Variants in LRP1B observed in about 807,000 individuals in gnomAD.
The protein encoded by LRP1B is LDL receptor related protein 1B.
A neutral mutation model predicts 556.6 loss-of-function variants in LRP1B; 217 were observed. That is an observed-to-expected ratio of 0.39 (90% CI 0.35 to 0.44). LRP1B has a LOEUF of 0.44. LRP1B is among the 20% of genes least tolerant of loss of function. LRP1B has a pLI of 1.00. For synonymous variants in LRP1B, 2,047 were observed against 1,865.8 expected, an observed-to-expected ratio of 1.10 and a Z score of -2.50; for missense variants, 5,053 against 5,620.8, an observed-to-expected ratio of 0.90 and a Z score of 3.23.
intron 84 of LRP1B, among the ~76,000 whole-genome samples, chr2:140,282,018 T>G (rs137982505): frequency 7.7e-4 from 117 of 151,940 alleles, no homozygotes; most frequent in Admixed American, 1.8e-3. Context: ...TGGCCAGAAT[T>G]TGAGGTACTG....
At position 141,635,177 on chromosome 2, in the gene LRP1B, C is replaced by A. The variant is rs73965759; in HGVS notation, c.206-154644G>T. Among the ~76,000 whole-genome samples, 919 of 151,940 alleles carry A rather than the reference C, an allele frequency of 6.0e-3. 13 individuals are homozygous for A. Among genetic ancestry groups the A allele is most frequent in the African/African-American group, 0.021 (878 of 41,480 alleles). On this transcript the variant is annotated intron_variant, in intron 2 of 90. Transcript: ENST00000389484. ...GAAAATGAGCTGTTTTAGGATTATA[C>A]GTACAGAATGAGTGAAAGACAGTTT...
intron 15 of LRP1B, among the ~76,000 whole-genome samples, chr2:141,003,288 G>A (rs549636973): frequency 1.3e-5 from 2 of 152,118 alleles, no homozygotes; most frequent in East Asian, 3.9e-4. Context: ...CTCATATTAA[G>A]TAAAAATGAC....
chr2:141,873,645 G>A (rs1214213791), intron 1 of LRP1B, among the ~76,000 whole-genome samples: 1 of 151,938 alleles, frequency 6.6e-6, no homozygotes, highest in Non-Finnish European at 1.5e-5. Context: ...AGCACACTTA[G>A]TGCCTGTGTA....
chr2:140,325,717 ACT>A (rs2105063704), intron 80 of LRP1B, 43 bp downstream of exon 80: 10 of 1,264,362 alleles, frequency 7.9e-6, no homozygotes, highest in Non-Finnish European at 1.1e-5. Context: ...AGTATTTAAC[ACT>A]CTCAGTAACA....
At chr2:140,650,450 G>T (rs911540183) in intron 41 of LRP1B, among the ~76,000 whole-genome samples, 1 of 151,890 alleles carries the variant, frequency 6.6e-6, no homozygotes, top group Non-Finnish European at 1.5e-5. Flanking sequence ...CTGGGTTCAA[G>T]CGATTCTCCT....
chr2:141,470,501 G>A (rs1682421074), intron 3 of LRP1B, among the ~76,000 whole-genome samples: 1 of 152,166 alleles, frequency 6.6e-6, no homozygotes, highest in Non-Finnish European at 1.5e-5. Context: ...GCTGCTTTGA[G>A]AATGGGTCAG....
chr2:141,010,620 T>C (rs538402216), intron 14 of LRP1B, among the ~76,000 whole-genome samples: 61 of 152,122 alleles, frequency 4.0e-4, no homozygotes, highest in Admixed American at 3.7e-3. Context: ...GTTTAAGTGA[T>C]TCTCCTGCCT....
chr2:141,624,036 C>CAAAAAAAAAAAAAAA, intron 2 of LRP1B, among the ~76,000 whole-genome samples: 113 of 90,624 alleles, frequency 1.2e-3, no homozygotes, highest in East Asian at 2.2e-3. Flanking sequence ...AAAAATTAAA[C>CAAAAAAAAAAAAAAA]AAAAAAAAAA....
intron 3 of LRP1B, among the ~76,000 whole-genome samples, chr2:141,291,106 T>C (rs1324942285): frequency 6.6e-6 from 1 of 152,150 alleles, no homozygotes; most frequent in Admixed American, 6.5e-5. Flanking sequence ...ACATTATTGA[T>C]AGGTTTATAA....
At chr2:140,983,381 C>T (rs1573950223) in intron 17 of LRP1B, among the ~76,000 whole-genome samples, 1 of 152,144 alleles carries the variant, frequency 6.6e-6, no homozygotes, top group East Asian at 1.9e-4. Context: ...ATAAGGGAAT[C>T]TTGCTGAGTT....
chr2:140,249,761 A>T (rs567702940), intron 86 of LRP1B, among the ~76,000 whole-genome samples: 1 of 151,988 alleles, frequency 6.6e-6, no homozygotes, highest in African/African-American at 2.4e-5. Context: ...CAAAATTATA[A>T]CTTAAGGCAT....
At chr2:140,718,599 G>A (rs1687291099) in intron 35 of LRP1B, among the ~76,000 whole-genome samples, 1 of 151,750 alleles carries the variant, frequency 6.6e-6, no homozygotes, top group Non-Finnish European at 1.5e-5. Flanking sequence ...AAATAAGTTA[G>A]AATGGAGAAA....
At chr2:140,985,006 G>T (rs1696876477) in intron 17 of LRP1B, among the ~76,000 whole-genome samples, 1 of 152,054 alleles carries the variant, frequency 6.6e-6, no homozygotes, top group South Asian at 2.1e-4. Flanking sequence ...ATCTAAGTTA[G>T]TTTGGAGGCA....
intron 2 of LRP1B, among the ~76,000 whole-genome samples, chr2:141,660,126 T>C (rs984686582): frequency 6.6e-6 from 1 of 150,838 alleles, no homozygotes; most frequent in African/African-American, 2.4e-5. Context: ...GCAACTGAGG[T>C]ATCCAGGTTC....
At chr2:140,356,520 C>T (rs2105130825) in intron 74 of LRP1B, 44 bp from the exon 75 acceptor site, 2 of 1,387,826 alleles carry the variant, frequency 1.4e-6, no homozygotes, top group Non-Finnish European at 2.0e-6. Context: ...ATTCTAATTC[C>T]TGAAGTGGGG....
chr2:141,239,104 A>T (rs1052174022), intron 5 of LRP1B, among the ~76,000 whole-genome samples: 1 of 152,146 alleles, frequency 6.6e-6, no homozygotes, highest in Non-Finnish European at 1.5e-5. Context: ...ACGCTGAATC[A>T]TGCCAAAAGT....
intron 3 of LRP1B, among the ~76,000 whole-genome samples, chr2:141,354,181 C>T (rs971101287): frequency 4.6e-5 from 7 of 151,810 alleles, no homozygotes; most frequent in South Asian, 2.1e-4. Flanking sequence ...ACCTATATAA[C>T]GAATGTGCAC....
intron 3 of LRP1B, among the ~76,000 whole-genome samples, chr2:141,271,770 TG>T (rs1400654175): frequency 2.3e-4 from 25 of 106,872 alleles, no homozygotes; most frequent in African/African-American, 6.5e-4. Context: ...AGAAACCATA[TG>T]AAAAAAAAAA....
intron 29 of LRP1B, among the ~76,000 whole-genome samples, chr2:140,849,479 T>C (rs571624149): frequency 1.5e-4 from 23 of 152,048 alleles, no homozygotes; most frequent in African/African-American, 5.5e-4. Context: ...ATGTAACTAT[T>C]CCTCCATCAG....
Sources: gnomAD v4.1 joint callset for allele counts (sites outside exome capture counted in the v4.1 genomes callset) on GRCh38, gnomAD v4.1.1 for gene constraint, MANE v1.5 for transcripts, NCBI Gene and HGNC (gene_info 2026-07-23, HGNC 2026-07-21) for gene names.